COL19A1: variants seen among roughly 807,000 people sequenced by gnomAD.
COL19A1 encodes the protein collagen type XIX alpha 1 chain.
In COL19A1, 159 loss-of-function variants were observed where a neutral mutation model predicts 190.2. The ratio of observed to expected loss-of-function variants is 0.84; its 90% CI spans 0.73 to 0.95. The LOEUF (loss-of-function observed/expected upper bound fraction) is 0.95. COL19A1 is among the 40% of genes least tolerant of loss of function. The probability of loss-of-function intolerance (pLI) is 0.00; values close to 1 mark genes in which losing one functional copy is unlikely to be tolerated. For synonymous variants in COL19A1, 509 were observed against 458.9 expected, an observed-to-expected ratio of 1.11 and a Z score of -1.39; for missense variants, 1,418 against 1,431.9, an observed-to-expected ratio of 0.99 and a Z score of 0.16.
chr6:70,145,363 G>T (rs1448204553), intron 25 of COL19A1, among the ~76,000 whole-genome samples: 5 of 152,106 alleles, frequency 3.3e-5, no homozygotes, highest in Non-Finnish European at 7.4e-5. Context: ...ACAAAATCAT[G>T]TCCTTTGCAG....
At chr6:69,986,210 A>G (rs1776302369) in intron 11 of COL19A1, among the ~76,000 whole-genome samples, 1 of 137,226 alleles carries the variant, frequency 7.3e-6, no homozygotes, top group African/African-American at 2.7e-5. Context: ...ATGTTAAATG[A>G]CTTACACGTT....
At chr6:70,135,938 GT>G (rs993680914) in intron 18 of COL19A1, among the ~76,000 whole-genome samples, 3 of 152,146 alleles carry the variant, frequency 2.0e-5, no homozygotes, top group African/African-American at 7.2e-5. Flanking sequence ...TCCAGCTGTT[GT>G]TACAAGTCAA....
At chr6:70,104,116 TAAC>T in intron 16 of COL19A1, among the ~76,000 whole-genome samples, 1 of 152,276 alleles carries the variant, frequency 6.6e-6, no homozygotes, top group Middle Eastern at 3.4e-3. Flanking sequence ...ATTGTCCTAT[TAAC>T]AATGCATTGG....
chr6:70,132,851 C>T (rs1187892759), intron 18 of COL19A1, among the ~76,000 whole-genome samples: 1 of 152,152 alleles, frequency 6.6e-6, no homozygotes, highest in Non-Finnish European at 1.5e-5. Flanking sequence ...TTGGGAAGGC[C>T]ACTTCATTTC....
intron 47 of COL19A1, among the ~76,000 whole-genome samples, chr6:70,188,968 G>T (rs1055117406): frequency 6.6e-6 from 1 of 152,030 alleles, no homozygotes; most frequent in Admixed American, 6.6e-5. Flanking sequence ...CTATATTTCT[G>T]CCCACTGTCC....
intron 9 of COL19A1, among the ~76,000 whole-genome samples, chr6:69,938,602 A>G (rs1056356470): frequency 2.0e-5 from 3 of 152,054 alleles, no homozygotes; most frequent in Non-Finnish European, 2.9e-5. Context: ...CCTGTTCTCA[A>G]TGATTTTACA....
At chr6:69,879,486 A>G in intron 1 of COL19A1, 50 bp from the exon 2 acceptor site, 1 of 1,012,728 alleles carries the variant, frequency 9.9e-7, no homozygotes. Context: ...AGATGTTGAA[A>G]GGAGCTGCAT....
At chr6:70,058,696 AC>A (rs1253027447) in intron 14 of COL19A1, among the ~76,000 whole-genome samples, 1 of 151,974 alleles carries the variant, frequency 6.6e-6, no homozygotes, top group Non-Finnish European at 1.5e-5. Context: ...AAAGCTGGTC[AC>A]CCTCTAATTT....
intron 11 of COL19A1, among the ~76,000 whole-genome samples, chr6:69,977,950 A>C (rs1348136874): frequency 2.0e-5 from 3 of 152,164 alleles, no homozygotes; most frequent in Admixed American, 2.0e-4. Flanking sequence ...TTGAAAAAAA[A>C]AATTTTACTG....
At position 69,937,105 on chromosome 6, in the gene COL19A1, C is replaced by T. The variant is rs535352608; in HGVS notation, c.873+195C>T. On this transcript the variant is annotated intron_variant, in intron 8 of 50. Transcript: ENST00000620364. ...GGATTCTTACCTGGATAGTTTCAAG[C>T]CCATCTGAACTTCCTTCCAGGGTGT... is the stretch of plus-strand genomic sequence containing the variant. 6.2e-4 allele frequency among the ~76,000 whole-genome samples: 95 copies of T among 152,138 alleles called. 3 individuals carry two copies. In the South Asian group the frequency reaches 0.015, roughly 24 times the overall value.
intron 16 of COL19A1, among the ~76,000 whole-genome samples, chr6:70,109,563 TGTGTG>T (rs1367007458): frequency 5.3e-5 from 8 of 151,714 alleles, no homozygotes; most frequent in African/African-American, 1.9e-4. Context: ...TGTGTGTGTG[TGTGTG>T]TGTGTGTGTG....
chr6:70,062,923 A>G (rs527309500), intron 14 of COL19A1, among the ~76,000 whole-genome samples: 15 of 152,254 alleles, frequency 9.9e-5, no homozygotes, highest in African/African-American at 2.6e-4. Context: ...TTCAACAAGA[A>G]GAGCTAACTA....
At chr6:69,883,601 G>A (rs1768711035) in intron 2 of COL19A1, among the ~76,000 whole-genome samples, 1 of 152,174 alleles carries the variant, frequency 6.6e-6, no homozygotes, top group South Asian at 2.1e-4. Context: ...TTCTTTCCCT[G>A]CAATCAGCAA....
chr6:69,965,655 GAA>G (rs2150049509), intron 11 of COL19A1, among the ~76,000 whole-genome samples: 2 of 152,334 alleles, frequency 1.3e-5, no homozygotes, highest in African/African-American at 4.8e-5. Context: ...GTCCTGAAGT[GAA>G]AGTTATTTTA....
chr6:69,883,670 G>A (rs963634135), intron 2 of COL19A1, among the ~76,000 whole-genome samples: 4 of 152,076 alleles, frequency 2.6e-5, no homozygotes, highest in East Asian at 1.9e-4. Flanking sequence ...AACAGAACTC[G>A]TTTACATTTA....
At chr6:70,139,461 C>A (rs1466669393) in intron 19 of COL19A1, among the ~76,000 whole-genome samples, 1 of 151,928 alleles carries the variant, frequency 6.6e-6, no homozygotes, top group African/African-American at 2.4e-5. Flanking sequence ...CATACCAGGT[C>A]CCTATTCATC....
chr6:70,004,281 C>T lies in COL19A1; in HGVS notation c.1027-19346C>T, dbSNP rs72914580. Reference sequence around the variant, plus strand: ...GGCTTCCCTGCATAGGTGACCTGGCCTTCTCTCTGGCTACCCTTAATATTT... The same window carrying T: ...GGCTTCCCTGCATAGGTGACCTGGCTTTCTCTCTGGCTACCCTTAATATTT... On this transcript the variant is annotated intron_variant, in intron 11 of 50. Transcript: ENST00000620364. Among the ~76,000 whole-genome samples the T allele has an allele frequency of 2.8e-3, 431 of 152,100 alleles. 4 individuals are homozygous for T. The highest frequency in any genetic ancestry group is 9.6e-3 in the African/African-American group (399 of 41,452).
At chr6:69,998,486 T>A (rs1444500656) in intron 11 of COL19A1, among the ~76,000 whole-genome samples, 1 of 151,422 alleles carries the variant, frequency 6.6e-6, no homozygotes, top group Non-Finnish European at 1.5e-5. Context: ...CTAATAAAAA[T>A]TTTAAAAAAA....
intron 16 of COL19A1, among the ~76,000 whole-genome samples, chr6:70,103,026 C>A (rs1783733000): frequency 6.6e-6 from 1 of 152,210 alleles, no homozygotes; most frequent in African/African-American, 2.4e-5. Flanking sequence ...CTACCCCCTA[C>A]ATGTTGGATG....
Sources: gnomAD v4.1 joint callset for allele counts (sites outside exome capture counted in the v4.1 genomes callset) on GRCh38, gnomAD v4.1.1 for gene constraint, MANE v1.5 for transcripts, NCBI Gene and HGNC (gene_info 2026-07-23, HGNC 2026-07-21) for gene names.